NFIC: variants seen among roughly 807,000 people sequenced by gnomAD.
NFIC encodes the protein nuclear factor I C.
A neutral mutation model predicts 54.4 loss-of-function variants in NFIC; 12 were observed. The ratio of observed to expected loss-of-function variants is 0.22; its 90% confidence interval spans 0.14 to 0.36. The LOEUF is 0.36. Among genes scored for constraint, NFIC ranks in the 10% least tolerant of loss-of-function variants. NFIC has a pLI of 1.00. For missense variants in NFIC, 575 were observed against 718.2 expected, an observed-to-expected ratio of 0.80 and a Z score of 2.28; for synonymous variants, 322 against 319.2, an observed-to-expected ratio of 1.01 and a Z score of -0.09.
intron 1 of NFIC, among the ~76,000 whole-genome samples, chr19:3,361,023 G>T (rs1206558860): frequency 6.6e-6 from 1 of 152,206 alleles, no homozygotes; most frequent in Non-Finnish European, 1.5e-5. Context: ...TGCCTGGGCG[G>T]CGGAGGAAGA....
chr19:3,363,396 C>T (rs1320621216), upstream of NFIC, among the ~76,000 whole-genome samples: 1 of 150,764 alleles, frequency 6.6e-6, no homozygotes, highest in Non-Finnish European at 1.5e-5. Context: ...CTCAGCCTCC[C>T]GAGTAGCTGA....
Position 3,453,614 on chromosome 19 carries a change from C to A in NFIC, c.1270-149C>A. On this transcript the variant is annotated intron_variant, in intron 8 of 10. Transcript: ENST00000443272. This position sits in a 1 kb window ranked among gnomAD's most constrained non-coding sequence, Gnocchi z 6.7. ...CTCCACCTCCGGCCGTCCTCAGACCCACCAAACCCGCCATGGTCACACCCG... is the reference window on the plus strand; with the variant it reads ...CTCCACCTCCGGCCGTCCTCAGACCAACCAAACCCGCCATGGTCACACCCG... 1 of 1,133,344 alleles carries A rather than the reference C, an allele frequency of 8.8e-7. No homozygotes were observed. The highest frequency in any genetic ancestry group is 1.2e-6 in the Non-Finnish European group (1 of 830,956). 70.2% of individuals were successfully genotyped at this position (1,133,344 alleles called of 1,614,324 possible). A position where few individuals can be genotyped will look rare whatever the true frequency, so the allele number is the denominator to read the frequency against.
intron 6 of NFIC, among the ~76,000 whole-genome samples, chr19:3,443,105 A>C (rs866367740): frequency 6.6e-6 from 1 of 152,162 alleles, no homozygotes; most frequent in African/African-American, 2.4e-5. Flanking sequence ...CAATGTCTAC[A>C]GTGCTGAGGC....
At chr19:3,435,740 C>T (rs945024763) in intron 6 of NFIC, among the ~76,000 whole-genome samples, 3 of 152,124 alleles carry the variant, frequency 2.0e-5, no homozygotes, top group Non-Finnish European at 4.4e-5. Context: ...TCTCCATTCC[C>T]ATGGCGTCGT....
chr19:3,455,404 T>A (rs111272986), intron 9 of NFIC, among the ~76,000 whole-genome samples: 1,205 of 51,942 alleles, frequency 0.023, no homozygotes, highest in African/African-American at 0.028. Flanking sequence ...TTATGCCCAG[T>A]GCCTGGCATA....
chr19:3,387,139 T>A (rs1027511801), intron 2 of NFIC, among the ~76,000 whole-genome samples: 1 of 151,688 alleles, frequency 6.6e-6, no homozygotes, highest in African/African-American at 2.4e-5. Context: ...CTTGGAGGGG[T>A]GCAGGGTGGA....
chr19:3,469,204 A>G lies in NFIC; in HGVS notation c.*6435A>G, dbSNP rs910913283. 5 of 152,230 alleles carry G rather than the reference A, an allele frequency of 3.3e-5. No individual in the cohort carries two copies. The highest frequency in any genetic ancestry group is 7.3e-5 in the Non-Finnish European group (5 of 68,040). The allele number at this position is 152,230 out of a possible 1,614,324, so 9.4% of individuals were successfully genotyped here. ...AAAATGTATAAAAATTAAACAAGCTATGCTTCGACTCTTTCTGGCTGTCCC... is the reference window on the plus strand; with the variant it reads ...AAAATGTATAAAAATTAAACAAGCTGTGCTTCGACTCTTTCTGGCTGTCCC... On this transcript the variant is annotated 3_prime_UTR_variant, in exon 11 of 11. Coordinates refer to ENST00000443272, the MANE Select transcript of NFIC (RefSeq NM_001245002.2).
chr19:3,436,537 G>A (rs574831079), intron 6 of NFIC, among the ~76,000 whole-genome samples: 5 of 150,252 alleles, frequency 3.3e-5, no homozygotes, highest in Admixed American at 1.3e-4. Context: ...GTGCAGTGGC[G>A]AGATCTTGGC....
chr19:3,386,472 G>A (rs1055072889), intron 2 of NFIC, among the ~76,000 whole-genome samples: 4 of 151,870 alleles, frequency 2.6e-5, no homozygotes, highest in Non-Finnish European at 5.9e-5. Flanking sequence ...ACAGGCGAGC[G>A]CCACCACACC....
At chr19:3,365,882 C>T (rs2145418042), upstream of NFIC, among the ~76,000 whole-genome samples, 1 of 152,320 alleles carries the variant, frequency 6.6e-6, no homozygotes, top group African/African-American at 2.4e-5. Flanking sequence ...CACACAAGCC[C>T]CTCTAGCTGG....
intron 2 of NFIC, among the ~76,000 whole-genome samples, chr19:3,385,414 A>G (rs901954556): frequency 6.6e-6 from 1 of 152,028 alleles, no homozygotes; most frequent in African/African-American, 2.4e-5. Flanking sequence ...CCAGGGTGAG[A>G]GCTCAGTAAA....
intron 1 of NFIC, among the ~76,000 whole-genome samples, chr19:3,374,075 T>C (rs531792902): frequency 1.3e-5 from 2 of 152,326 alleles, no homozygotes; most frequent in African/African-American, 4.8e-5. Context: ...AAGTGCTAAG[T>C]AGGTAATGAG....
At chr19:3,405,102 C>A (rs1247183004) in intron 2 of NFIC, among the ~76,000 whole-genome samples, 2 of 152,256 alleles carry the variant, frequency 1.3e-5, no homozygotes, top group African/African-American at 4.8e-5. Context: ...AGAAACTTTT[C>A]TTTGAAAGTG....
At position 3,369,193 on chromosome 19, in the gene NFIC, T is replaced by C. The variant is rs997198001; in HGVS notation, c.30+2527T>C. Among the ~76,000 whole-genome samples the C allele has an allele frequency of 6.6e-6, 1 of 152,000 alleles. No homozygotes were observed. The highest frequency in any genetic ancestry group is 2.4e-5 in the African/African-American group (1 of 41,366). The stretch of plus-strand genomic sequence containing the variant: ...TTGCCTTCTTTGTGTGTCTGTCCGA[T>C]GTGTCTCTGTCTGTTTCTCTGTCTC... On this transcript the variant is annotated intron_variant, in intron 1 of 10. Coordinates refer to ENST00000443272, the MANE Select transcript of NFIC (RefSeq NM_001245002.2). This position sits in a 1 kb window ranked among gnomAD's most constrained non-coding sequence, Gnocchi z 4.3.
chr19:3,370,668 T>G lies in NFIC; in HGVS notation c.30+4002T>G, dbSNP rs1479340755. 2.8e-5 allele frequency among the ~76,000 whole-genome samples: 4 copies of G among 142,340 alleles called. No individual in the cohort carries two copies. Among genetic ancestry groups the G allele is most frequent in the Non-Finnish European group, 6.1e-5 (4 of 65,292 alleles). The allele number at this position is 142,340 out of a possible 152,430, so 93.4% of individuals were successfully genotyped here. On this transcript the variant is annotated intron_variant, in intron 1 of 10. Coordinates refer to ENST00000443272, the MANE Select transcript of NFIC (RefSeq NM_001245002.2). This position sits in a 1 kb window ranked among gnomAD's most constrained non-coding sequence, Gnocchi z 5.2. ...CTCTCTTTCTCCCTCCCTACCTCCC[T>G]CTCTGTTCCTCTTCTTTCTCTCTGT...
At chr19:3,435,037 C>T (rs771884025) in intron 5 of NFIC, 46 bp from the exon 6 acceptor site, 3 of 1,518,172 alleles carry the variant, frequency 2.0e-6, no homozygotes, top group Non-Finnish European at 2.7e-6. Context: ...GCCCCCCGCC[C>T]CGCGTCTCCC....
Position 3,463,101 on chromosome 19 carries a change from G to C in NFIC, c.*332G>C. 8.0e-7 allele frequency: 1 copy of C among 1,243,026 alleles called. No individual in the cohort carries two copies. Among genetic ancestry groups the C allele is most frequent in the Non-Finnish European group, 1.0e-6 (1 of 990,546 alleles). 77.0% of individuals were successfully genotyped at this position (1,243,026 alleles called of 1,614,324 possible). ...CCCCACGGGAGACCCGGGACAGGGC[G>C]TCTTCCTAAGTTATTCATCTCCTCT... is the stretch of plus-strand genomic sequence containing the variant. On this transcript the variant is annotated 3_prime_UTR_variant, in exon 11 of 11. Transcript: ENST00000443272.
intron 1 of NFIC, among the ~76,000 whole-genome samples, chr19:3,381,256 G>T (rs968351618): frequency 3.0e-4 from 46 of 151,954 alleles, no homozygotes; most frequent in African/African-American, 1.1e-3. Context: ...TTAGCTGGGC[G>T]TGGTGGTGGG....
intron 2 of NFIC, among the ~76,000 whole-genome samples, chr19:3,396,571 C>T (rs545948552): frequency 1.3e-5 from 2 of 152,224 alleles, no homozygotes; most frequent in South Asian, 2.1e-4. Context: ...TACCACCAGG[C>T]GTCCCTTCTG....
Sources: allele counts gnomAD v4.1 joint callset (sites outside exome capture counted in the v4.1 genomes callset), GRCh38; gene constraint gnomAD v4.1.1; non-coding constraint Gnocchi (gnomAD v3.1); transcripts MANE v1.5; gene names NCBI Gene and HGNC (gene_info 2026-07-23, HGNC 2026-07-21).